The following PIEZO2 variants were observed in gnomAD, a reference collection of about 807,000 sequenced individuals.
PIEZO2 encodes piezo-type mechanosensitive ion channel component 2.
A neutral mutation model predicts 337.3 loss-of-function variants in PIEZO2; 172 were observed. The observed-to-expected ratio is 0.51, with a 90% confidence interval of 0.45 to 0.58. PIEZO2 has a LOEUF of 0.58. PIEZO2 is among the 20% of genes least tolerant of loss of function. PIEZO2 has a pLI of 0.00. For missense variants in PIEZO2, 3,028 were observed against 3,391.3 expected, an observed-to-expected ratio of 0.89 and a Z score of 2.66; for synonymous variants, 1,251 against 1,228.5, an observed-to-expected ratio of 1.02 and a Z score of -0.38.
At chr18:10,720,405 A>G (rs12455612) in intron 36 of PIEZO2, among the ~76,000 whole-genome samples, 3,589 of 11,108 alleles carry the variant, frequency 0.32, 305 homozygotes, top group Non-Finnish European at 0.38. Context: ...GTGTGTGTGT[A>G]TGTGTATGTG....
At chr18:10,711,362 G>T (rs556597375) in intron 39 of PIEZO2, among the ~76,000 whole-genome samples, 2 of 152,200 alleles carry the variant, frequency 1.3e-5, no homozygotes, top group South Asian at 2.1e-4. Context: ...TTCAGAGTTT[G>T]GTTCTAGAGC....
At position 10,850,250 on chromosome 18, in the gene PIEZO2, G is replaced by A. The variant is rs1011258470; in HGVS notation, c.917+5103C>T. On this transcript the variant is annotated intron_variant, in intron 7 of 55. Transcript: ENST00000674853. This position sits in a 1 kb window ranked among gnomAD's most constrained non-coding sequence, Gnocchi z 4.5. ...GAAGCACGTGATTTTTTGGGACCAT[G>A]GGGTGAAAAGAAGGGATTACTCTAG... Among the ~76,000 whole-genome samples the A allele has an allele frequency of 2.0e-5, 3 of 152,280 alleles. No individual in the cohort carries two copies. Among genetic ancestry groups the A allele is most frequent in the South Asian group, 2.1e-4 (1 of 4,824 alleles).
chr18:10,699,148 C>A lies in PIEZO2; in HGVS notation c.6471G>T (p.Met2157Ile), dbSNP rs1446816013. The A allele has an allele frequency of 6.5e-7, 1 of 1,537,240 alleles. No individual in the cohort carries two copies. Among genetic ancestry groups the A allele is most frequent in the Non-Finnish European group, 8.7e-7 (1 of 1,146,914 alleles). The change falls in exon 44 of 56, where the codon ATG becomes ATT. Residue 2157 changes from methionine to isoleucine, a missense_variant. Physicochemically the swap from Met to Ile is conservative, Grantham distance 10. Transcript: ENST00000674853. ...KCHGLWDEDD[M>I]TESGMAREES... ...CCTCCCTGGCCATGCCACTTTCAGT[C>A]ATGTCATCTTCATCCCATAAGCCAT...
chr18:10,976,309 A>G (rs2034438639), intron 3 of PIEZO2, among the ~76,000 whole-genome samples: 2 of 152,194 alleles, frequency 1.3e-5, no homozygotes, highest in South Asian at 2.1e-4. Context: ...AACCAAAAAA[A>G]TCTACAACAC....
At chr18:10,768,099 G>A (rs1482189315) in intron 21 of PIEZO2, among the ~76,000 whole-genome samples, 3 of 152,310 alleles carry the variant, frequency 2.0e-5, no homozygotes, top group Admixed American at 6.5e-5. Context: ...GAGCCTCTGC[G>A]AGGTGGATTT....
In PIEZO2 at chr18:10,982,732, T is replaced by A. The variant is rs1038767291; in HGVS notation, c.161-3072A>T. Among the ~76,000 whole-genome samples the A allele has an allele frequency of 9.9e-5, 15 of 152,250 alleles. No individual in the cohort carries two copies. The highest frequency in any genetic ancestry group is 3.9e-4 in the East Asian group (2 of 5,186). ...TATAAAACCATATGTTTATTTATTT[T>A]TTTTTTGAGACAGGGTCTCACTCTG... On this transcript the variant is annotated intron_variant, in intron 2 of 55. Coordinates refer to ENST00000674853, the MANE Select transcript of PIEZO2 (RefSeq NM_001378183.1). The surrounding 1 kb of genome is among the most constrained non-coding windows in gnomAD (Gnocchi z 4.1).
chr18:10,714,691 A>G (rs1018777144), intron 39 of PIEZO2, 73 bp downstream of exon 39: 1 of 1,481,392 alleles, frequency 6.8e-7, no homozygotes, highest in East Asian at 2.5e-5. Context: ...TCACACATTC[A>G]TTTCTTATAT....
At chr18:10,914,652 G>A (rs114532211) in intron 3 of PIEZO2, among the ~76,000 whole-genome samples, 2,881 of 152,166 alleles carry the variant, frequency 0.019, 90 homozygotes, top group African/African-American at 0.065. Context: ...AGAACCCATG[G>A]ATACGGAGGG....
At chr18:10,829,507 T>C (rs560601273) in intron 7 of PIEZO2, among the ~76,000 whole-genome samples, 22 of 152,162 alleles carry the variant, frequency 1.4e-4, no homozygotes, top group Non-Finnish European at 2.2e-4. Flanking sequence ...GAAAAAGTCA[T>C]AATTGTTCTT....
intron 3 of PIEZO2, among the ~76,000 whole-genome samples, chr18:10,916,230 C>T (rs264291): frequency 6.6e-6 from 1 of 152,094 alleles, no homozygotes; most frequent in Non-Finnish European, 1.5e-5. Flanking sequence ...CAGCTGGCTT[C>T]GCCTAGTGGA....
intron 2 of PIEZO2, among the ~76,000 whole-genome samples, chr18:11,015,591 G>A (rs1043027214): frequency 2.6e-5 from 4 of 152,094 alleles, no homozygotes; most frequent in African/African-American, 7.2e-5. Context: ...TTAAGAGAAC[G>A]CCTTGATAAT....
chr18:10,934,021 AG>A (rs1344124352), intron 3 of PIEZO2, among the ~76,000 whole-genome samples: 3 of 152,256 alleles, frequency 2.0e-5, no homozygotes, highest in Admixed American at 2.0e-4. Flanking sequence ...GTCCAGGGTA[AG>A]TCTTTATTTG....
At chr18:10,777,885 G>A (rs770942676) in intron 18 of PIEZO2, among the ~76,000 whole-genome samples, 1 of 152,152 alleles carries the variant, frequency 6.6e-6, no homozygotes, top group Non-Finnish European at 1.5e-5. Flanking sequence ...TTCACATATA[G>A]GCACTTGGTT....
chr18:10,813,037 G>A lies in PIEZO2; in HGVS notation c.918-5763C>T, dbSNP rs943704134. The stretch of plus-strand genomic sequence containing the variant: ...CTCACTCTGTCACCCGGGCTGGAGT[G>A]CATTGGGCCTCTGCTCACTGCAACC... On this transcript the variant is annotated intron_variant, in intron 7 of 55. Transcript: ENST00000674853. The surrounding 1 kb of genome is among the most constrained non-coding windows in gnomAD (Gnocchi z 4.2). Among the ~76,000 whole-genome samples the A allele has an allele frequency of 9.3e-5, 14 of 150,642 alleles. No individual in the cohort carries two copies. Among genetic ancestry groups the A allele is most frequent in the Middle Eastern group, 3.4e-3 (1 of 292 alleles).
chr18:11,133,819 T>C (rs556604412), intron 1 of PIEZO2, among the ~76,000 whole-genome samples: 49 of 150,944 alleles, frequency 3.2e-4, no homozygotes, highest in Non-Finnish European at 6.2e-4. Flanking sequence ...TATATATATA[T>C]ATATACTTAA....
intron 1 of PIEZO2, among the ~76,000 whole-genome samples, chr18:11,115,938 T>C (rs529812364): frequency 3.3e-5 from 5 of 152,224 alleles, no homozygotes; most frequent in Non-Finnish European, 7.4e-5. Flanking sequence ...TAACATAAAA[T>C]ACAAGTACAG....
Position 10,704,435 on chromosome 18 carries a change from GC to G in PIEZO2, c.6216del (p.Arg2072SerfsTer8). ...GCCATCATCCAGAACCGGCGGCTGG[GC>G]CTGGGGACGGACAACATGGCCCAGA... ...IFLWAMLSVP[R>X]PSRRFWMMAI... is the part of the protein sequence containing the mutation. On this transcript the variant is annotated frameshift_variant, in exon 42 of 56. Transcript: ENST00000674853. LOFTEE classifies it high-confidence loss of function. The G allele has an allele frequency of 6.5e-7, 1 of 1,537,220 alleles. No individual in the cohort carries two copies. The highest frequency in any genetic ancestry group is 8.7e-7 in the Non-Finnish European group (1 of 1,146,900).
chr18:10,736,460 A>G, intron 34 of PIEZO2, 144 bp downstream of exon 34: 1 of 1,203,742 alleles, frequency 8.3e-7, no homozygotes, highest in Non-Finnish European at 1.1e-6. Context: ...ATTTAATTAG[A>G]AATAAAGAAT....
chr18:10,681,181 T>C (rs1223991101), intron 51 of PIEZO2, among the ~76,000 whole-genome samples: 2 of 152,250 alleles, frequency 1.3e-5, no homozygotes. Flanking sequence ...CTCCTTCTCC[T>C]ATTATGACCA....
Sources: gnomAD v4.1 joint callset for allele counts (sites outside exome capture counted in the v4.1 genomes callset) on GRCh38, gnomAD v4.1.1 for gene constraint, Gnocchi (gnomAD v3.1) non-coding constraint, MANE v1.5 for transcripts, NCBI Gene and HGNC (gene_info 2026-07-23, HGNC 2026-07-21) for gene names.